NEGR1: variants seen among roughly 807,000 people sequenced by gnomAD.
The protein encoded by NEGR1 is neuronal growth regulator 1, also known as IgLON family member 4.
NEGR1 carries 10 observed loss-of-function variants against 40.9 expected under a neutral mutation model. The ratio of observed to expected loss-of-function variants is 0.24; its 90% CI spans 0.15 to 0.42. NEGR1 has a LOEUF of 0.42. Among genes scored for constraint, NEGR1 ranks in the 10% least tolerant of loss-of-function variants. The probability of loss-of-function intolerance (pLI) is 1.00; values close to 1 mark genes in which losing one functional copy is unlikely to be tolerated. For synonymous variants in NEGR1, 185 were observed against 166.8 expected (o/e 1.11, Z -0.84); for missense variants, 352 against 438.9 (o/e 0.80, Z 1.77).
chr1:71,838,810 T>C (rs949972957), intron 2 of NEGR1, among the ~76,000 whole-genome samples: 3 of 152,062 alleles, frequency 2.0e-5, no homozygotes, highest in Non-Finnish European at 4.4e-5. Flanking sequence ...CAAATGAGAT[T>C]TAATCTGGAA....
intron 3 of NEGR1, among the ~76,000 whole-genome samples, chr1:71,745,739 T>C (rs2101681281): frequency 6.6e-6 from 1 of 152,286 alleles, no homozygotes; most frequent in Admixed American, 6.5e-5. Flanking sequence ...GCCGAGATTG[T>C]GCCACTGCCC....
intron 2 of NEGR1, among the ~76,000 whole-genome samples, chr1:71,897,620 A>T (rs1661008885): frequency 6.6e-6 from 1 of 152,254 alleles, no homozygotes; most frequent in African/African-American, 2.4e-5. Flanking sequence ...AGATTAACTC[A>T]TACTTTAAAA....
chr1:72,118,482 C>T (rs141545252), intron 1 of NEGR1, among the ~76,000 whole-genome samples: 1 of 151,752 alleles, frequency 6.6e-6, no homozygotes, highest in South Asian at 2.1e-4. Context: ...GAGGATCCAG[C>T]GGGTGTGTTG....
At chr1:71,525,851 A>G (rs1209147391) in intron 6 of NEGR1, among the ~76,000 whole-genome samples, 1 of 151,682 alleles carries the variant, frequency 6.6e-6, no homozygotes, top group African/African-American at 2.4e-5. Context: ...ATGCTATATA[A>G]CAATCATTTG....
At chr1:72,230,122 A>T (rs771150827) in intron 1 of NEGR1, among the ~76,000 whole-genome samples, 2 of 152,102 alleles carry the variant, frequency 1.3e-5, no homozygotes, top group African/African-American at 4.8e-5. Context: ...AATTCTAGCA[A>T]GCAAGCAGTC....
intron 1 of NEGR1, among the ~76,000 whole-genome samples, chr1:72,259,185 T>C (rs1266418752): frequency 6.6e-6 from 1 of 152,132 alleles, no homozygotes; most frequent in Admixed American, 6.6e-5. Flanking sequence ...ACCAAGTATA[T>C]AGTATCAATA....
At chr1:71,755,671 C>A (rs796558911) in intron 3 of NEGR1, among the ~76,000 whole-genome samples, 12 of 152,300 alleles carry the variant, frequency 7.9e-5, no homozygotes, top group African/African-American at 2.6e-4. Flanking sequence ...TAGCAACTTC[C>A]TGTCCTTAAA....
intron 3 of NEGR1, among the ~76,000 whole-genome samples, chr1:71,723,138 C>G (rs1180272563): frequency 6.6e-6 from 1 of 151,944 alleles, no homozygotes; most frequent in Admixed American, 6.6e-5. Context: ...AGTAATTTGA[C>G]TGTAATGTGC....
intron 1 of NEGR1, among the ~76,000 whole-genome samples, chr1:72,181,047 C>T (rs114140316): frequency 1.3e-5 from 2 of 151,868 alleles, no homozygotes; most frequent in Non-Finnish European, 2.9e-5. Flanking sequence ...GTTCTTGAGA[C>T]GAAGCAATAA....
At chr1:72,270,029 C>T (rs573447632) in intron 1 of NEGR1, among the ~76,000 whole-genome samples, 2 of 151,880 alleles carry the variant, frequency 1.3e-5, no homozygotes, top group Non-Finnish European at 2.9e-5. Flanking sequence ...TTGTTTTGAT[C>T]TCTTTTAGTA....
chr1:72,124,468 T>G (rs1649932981), intron 1 of NEGR1, among the ~76,000 whole-genome samples: 1 of 151,878 alleles, frequency 6.6e-6, no homozygotes, highest in South Asian at 2.1e-4. Context: ...AGCCAAACAA[T>G]GACAGCAACA....
intron 1 of NEGR1, among the ~76,000 whole-genome samples, chr1:72,010,301 T>A (rs1646645082): frequency 6.6e-6 from 1 of 152,000 alleles, no homozygotes; most frequent in Non-Finnish European, 1.5e-5. Context: ...AGACAGCTGA[T>A]AAAATGAGGT....
intron 2 of NEGR1, among the ~76,000 whole-genome samples, chr1:71,881,389 C>G (rs796515618): frequency 6.6e-6 from 1 of 151,966 alleles, no homozygotes; most frequent in Non-Finnish European, 1.5e-5. Flanking sequence ...CACTTGTGTG[C>G]GAGCTCCCTA....
intron 4 of NEGR1, among the ~76,000 whole-genome samples, chr1:71,618,259 G>A (rs187888079): frequency 2.8e-4 from 43 of 152,236 alleles, no homozygotes; most frequent in African/African-American, 9.6e-4. Context: ...ATGGATCTGC[G>A]ACCCATTTGT....
chr1:71,915,960 A>G (rs1485338304), intron 2 of NEGR1, among the ~76,000 whole-genome samples: 1 of 152,194 alleles, frequency 6.6e-6, no homozygotes, highest in Non-Finnish European at 1.5e-5. Flanking sequence ...GATTAATCCT[A>G]CTTAGAGGGA....
At chr1:71,554,226 T>C (rs371062124) in intron 6 of NEGR1, among the ~76,000 whole-genome samples, 4 of 151,570 alleles carry the variant, frequency 2.6e-5, no homozygotes, top group East Asian at 3.9e-4. Flanking sequence ...TTTTCTATTA[T>C]TGAAAAACTG....
At chr1:71,733,865 T>TC (rs1425319359) in intron 3 of NEGR1, among the ~76,000 whole-genome samples, 2 of 152,160 alleles carry the variant, frequency 1.3e-5, no homozygotes, top group East Asian at 1.9e-4. Flanking sequence ...TGCTACATCT[T>TC]CCCCCCACTA....
intron 3 of NEGR1, among the ~76,000 whole-genome samples, chr1:71,731,746 A>G (rs929919390): frequency 6.6e-6 from 1 of 152,214 alleles, no homozygotes; most frequent in African/African-American, 2.4e-5. Context: ...GTTTTCATAT[A>G]CAGCATCTTC....
At chr1:72,093,377 T>A (rs1327064846) in intron 1 of NEGR1, among the ~76,000 whole-genome samples, 4 of 145,432 alleles carry the variant, frequency 2.8e-5, no homozygotes, top group African/African-American at 5.3e-5. Flanking sequence ...AGCAAAAAAA[T>A]TTTAGTTATT....
Sources: gnomAD v4.1 joint callset for allele counts (sites outside exome capture counted in the v4.1 genomes callset) on GRCh38, gnomAD v4.1.1 for gene constraint, MANE v1.5 for transcripts, NCBI Gene and HGNC (gene_info 2026-07-23, HGNC 2026-07-21) for gene names.